The following PPM1G variants were observed in gnomAD, a reference collection of about 807,000 sequenced individuals.
PPM1G encodes the protein protein phosphatase 1G.
PPM1G carries 12 observed loss-of-function variants against 59.4 expected under a neutral mutation model. The observed-to-expected ratio is 0.20, with a 90% CI of 0.13 to 0.33. The LOEUF (loss-of-function observed/expected upper bound fraction) is 0.33. Among genes scored for constraint, PPM1G ranks in the 10% least tolerant of loss-of-function variants. The pLI, the probability that PPM1G is intolerant of heterozygous loss-of-function variation, is 1.00. For missense variants in PPM1G, 392 were observed against 681.3 expected (o/e 0.58, Z 4.73); for synonymous variants, 245 against 251.9 (o/e 0.97, Z 0.26).
chr2:27,381,882 G>C, intron 9 of PPM1G, 77 bp from the exon 10 acceptor site: 1 of 1,462,368 alleles, frequency 6.8e-7, no homozygotes. Context: ...CAAGAGGGCT[G>C]GCTTGCTGAG....
chr2:27,392,286 GTTTTTTTTTTT>G (rs70953857), intron 1 of PPM1G, among the ~76,000 whole-genome samples: 4 of 70,450 alleles, frequency 5.7e-5, no homozygotes, highest in African/African-American at 1.8e-4. Context: ...GGTTTGTTTT[GTTTTTTTTTTT>G]TTTTTTTTTT....
chr2:27,391,444 G>A (rs1312928375), intron 1 of PPM1G, among the ~76,000 whole-genome samples: 3 of 152,118 alleles, frequency 2.0e-5, no homozygotes, highest in East Asian at 1.9e-4. Flanking sequence ...AGAAATGGGC[G>A]TTTTTTCATG....
chr2:27,383,817 C>T lies in PPM1G; in HGVS notation c.966+135G>A. 3.6e-6 allele frequency: 5 copies of T among 1,373,288 alleles called. No homozygotes were observed. Among genetic ancestry groups the T allele is most frequent in the Non-Finnish European group, 3.9e-6 (4 of 1,015,952 alleles). 85.1% of individuals were successfully genotyped at this position (1,373,288 alleles called of 1,614,324 possible). On this transcript the variant is annotated intron_variant, in intron 6 of 9. Transcript: ENST00000344034. This position sits in a 1 kb window ranked among gnomAD's most constrained non-coding sequence, Gnocchi z 5.0. Reference sequence around the variant, plus strand: ...CCCAAAGGCTTACCATCTCATTCCCCTTGCAGAATAAATCCCCATGACTAT... The same window carrying T: ...CCCAAAGGCTTACCATCTCATTCCCTTTGCAGAATAAATCCCCATGACTAT...
chr2:27,386,305 C>T (rs1218072723), intron 2 of PPM1G, 26 bp from the exon 3 acceptor site: 3 of 1,491,124 alleles, frequency 2.0e-6, no homozygotes, highest in Non-Finnish European at 2.8e-6. Flanking sequence ...GGAAGGTCAC[C>T]TGGAGCACTG....
At chr2:27,396,471 TG>T (rs2148424544) in intron 1 of PPM1G, among the ~76,000 whole-genome samples, 1 of 152,098 alleles carries the variant, frequency 6.6e-6, no homozygotes, top group South Asian at 2.1e-4. Flanking sequence ...TTCTGGAAAC[TG>T]GGTACACAAC....
chr2:27,382,006 G>C lies in PPM1G; in HGVS notation c.1434+120C>G. 5 of 1,111,186 alleles carry C rather than the reference G, an allele frequency of 4.5e-6. No homozygotes were observed. The highest frequency in any genetic ancestry group is 6.7e-6 in the Non-Finnish European group (5 of 751,290). The allele number at this position is 1,111,186 out of a possible 1,614,324, so 68.8% of individuals were successfully genotyped here. A position where few individuals can be genotyped will look rare whatever the true frequency, so the allele number is the denominator to read the frequency against. ...ACAGAAGGTGGAACTTTGGAGTCGG[G>C]GTTTAGCGTCTGTCAGCAATTACTG... On this transcript the variant is annotated intron_variant, in intron 9 of 9. Coordinates refer to ENST00000344034, the MANE Select transcript of PPM1G (RefSeq NM_177983.3). This position sits in a 1 kb window ranked among gnomAD's most constrained non-coding sequence, Gnocchi z 4.2.
chr2:27,406,303 A>C (rs1392173037), intron 1 of PPM1G, among the ~76,000 whole-genome samples: 1 of 152,220 alleles, frequency 6.6e-6, no homozygotes, highest in African/African-American at 2.4e-5. Context: ...TGGAAAGATA[A>C]GATTCAGGGA....
chr2:27,391,986 C>A (rs1271833479), intron 1 of PPM1G, among the ~76,000 whole-genome samples: 1 of 151,836 alleles, frequency 6.6e-6, no homozygotes, highest in Non-Finnish European at 1.5e-5. Flanking sequence ...CCACCTTGGC[C>A]TCCCAAAGTG....
rs1683654870 is a variant in PPM1G at position 27,382,369 on chromosome 2, C to A, written c.1331+107G>T. On this transcript the variant is annotated intron_variant, in intron 8 of 9. Coordinates refer to ENST00000344034, the MANE Select transcript of PPM1G (RefSeq NM_177983.3). The surrounding 1 kb of genome is among the most constrained non-coding windows in gnomAD (Gnocchi z 4.2). ...CCTTAGTCTGGGTGCTCTTCACCCA[C>A]CAAGAGGCCTAGGTCTGCCTAGGCT... 1.9e-6 allele frequency: 3 copies of A among 1,568,272 alleles called. No individual in the cohort carries two copies. The highest frequency in any genetic ancestry group is 1.4e-5 in the African/African-American group (1 of 73,544).
chr2:27,384,827 G>A lies in PPM1G; in HGVS notation c.671C>T (p.Ala224Val). ...AATGCCAGGCTCACCAACTTGGCCT[G>A]CCTCAGTCCCACGTTCCGAGTTGGA... is the stretch of plus-strand genomic sequence containing the variant. Reference protein sequence around the residue: ...FSSNSERGTEAGQVGEPGIPT... With the variant: ...FSSNSERGTEVGQVGEPGIPT... The change falls in exon 5 of 10, where the codon GCA becomes GTA. Residue 224 changes from alanine (A) to valine (V), a missense_variant. By Grantham distance (64) the Ala-to-Val change is moderately conservative (BLOSUM62 0). This residue lies in a region of PPM1G where 188 missense variants were observed against 248.8 expected (regional missense o/e 0.76). Transcript: ENST00000344034. The surrounding 1 kb of genome is among the most constrained non-coding windows in gnomAD (Gnocchi z 4.8). The A allele has an allele frequency of 6.2e-7, 1 of 1,614,246 alleles. No individual in the cohort carries two copies. The highest frequency in any genetic ancestry group is 8.5e-7 in the Non-Finnish European group (1 of 1,180,042).
At chr2:27,386,825 C>T (rs535623509) in intron 2 of PPM1G, 19 of 278,950 alleles carry the variant, frequency 6.8e-5, no homozygotes, top group East Asian at 2.2e-4. Flanking sequence ...TGTGACCTAC[C>T]GCGTGCCCAG....
chr2:27,403,021 C>T (rs1002411477), intron 1 of PPM1G, among the ~76,000 whole-genome samples: 3 of 151,556 alleles, frequency 2.0e-5, no homozygotes, highest in African/African-American at 7.3e-5. Context: ...GAACTATGAT[C>T]GAGCCACTGT....
At chr2:27,403,294 A>G (rs1684227786) in intron 1 of PPM1G, among the ~76,000 whole-genome samples, 1 of 151,778 alleles carries the variant, frequency 6.6e-6, no homozygotes, top group Admixed American at 6.6e-5. Flanking sequence ...AAATACAAAA[A>G]AGTTAGCTGG....
In PPM1G at chr2:27,381,371, C is replaced by A. The variant is rs1343369944; in HGVS notation, c.*228G>T. On this transcript the variant is annotated 3_prime_UTR_variant, in exon 10 of 10. Coordinates refer to ENST00000344034, the MANE Select transcript of PPM1G (RefSeq NM_177983.3). Reference sequence around the variant, plus strand: ...TCCCTCCAACACAACAGAGCACAGGCACAGAACCGGTGATGAGCCCGAGGA... The same window carrying A: ...TCCCTCCAACACAACAGAGCACAGGAACAGAACCGGTGATGAGCCCGAGGA... The A allele has an allele frequency of 3.4e-6, 2 of 581,718 alleles. No homozygotes were observed. Among genetic ancestry groups the A allele is most frequent in the South Asian group, 2.0e-5 (1 of 49,676 alleles). The allele number at this position is 581,718 out of a possible 1,614,324, so 36.0% of individuals were successfully genotyped here.
intron 1 of PPM1G, among the ~76,000 whole-genome samples, chr2:27,394,032 G>A (rs1457201411): frequency 6.6e-6 from 1 of 152,122 alleles, no homozygotes; most frequent in Non-Finnish European, 1.5e-5. Context: ...AAAGTGCTGG[G>A]ATTACAGGCA....
At position 27,383,452 on chromosome 2, in the gene PPM1G, A is replaced by G. The variant is rs1683689530; in HGVS notation, c.1115T>C (p.Val372Ala). ...MSYDHKPEDEVELARIKNAGG... is the reference protein window; with the variant it reads ...MSYDHKPEDEAELARIKNAGG... Reference sequence around the variant, plus strand: ...AGCATTCTTGATGCGTGCTAGTTCTACTTCATCCTCTGGTTTGTGATCATA... The same window carrying G: ...AGCATTCTTGATGCGTGCTAGTTCTGCTTCATCCTCTGGTTTGTGATCATA... The change falls in exon 7 of 10, where the codon GTA becomes GCA. Residue 372 changes from valine (V) to alanine (A), a missense_variant. Val to Ala is a moderately conservative substitution (Grantham distance 64). Transcript: ENST00000344034. This position sits in a 1 kb window ranked among gnomAD's most constrained non-coding sequence, Gnocchi z 5.0. 6.2e-7 allele frequency: 1 copy of G among 1,614,092 alleles called. No homozygotes were observed. The highest frequency in any genetic ancestry group is 2.2e-5 in the East Asian group (1 of 44,868).
In PPM1G at chr2:27,395,510, T is replaced by C. The variant is rs186929419; in HGVS notation, c.121-8352A>G. Among the ~76,000 whole-genome samples the C allele has an allele frequency of 2.8e-4, 42 of 150,158 alleles. 1 individual carries two copies. Among genetic ancestry groups the C allele is most frequent in the Non-Finnish European group, 4.0e-4 (27 of 67,430 alleles). ...TGCCGCTGCACTCCAGCCTGGGCAA[T>C]AGAGTGAGACTCTGTCTCAAAAACA... On this transcript the variant is annotated intron_variant, in intron 1 of 9. Coordinates refer to ENST00000344034, the MANE Select transcript of PPM1G (RefSeq NM_177983.3).
In PPM1G at chr2:27,409,542, C is replaced by A. The variant is rs1298147574; in HGVS notation, c.-120G>T. 2 of 1,259,468 alleles carry A rather than the reference C, an allele frequency of 1.6e-6. No individual in the cohort carries two copies. Among genetic ancestry groups the A allele is most frequent in the Admixed American group, 4.3e-5 (1 of 23,460 alleles). The allele number at this position is 1,259,468 out of a possible 1,614,324, so 78.0% of individuals were successfully genotyped here. A position where few individuals can be genotyped will look rare whatever the true frequency, so the allele number is the denominator to read the frequency against. ...CCGCGGCGCGACCGACGCAAGGTGC[C>A]GGTGAAAGGCGCGAGGCCGGCCAGG... On this transcript the variant is annotated 5_prime_UTR_variant, in exon 1 of 10. Coordinates refer to ENST00000344034, the MANE Select transcript of PPM1G (RefSeq NM_177983.3).
At position 27,382,319 on chromosome 2, in the gene PPM1G, A is replaced by G. The variant is rs980859523; in HGVS notation, c.1332-91T>C. The G allele has an allele frequency of 2.1e-5, 33 of 1,556,110 alleles. No homozygotes were observed. The highest frequency in any genetic ancestry group is 8.5e-5 in the Admixed American group (5 of 58,760). On this transcript the variant is annotated intron_variant, in intron 8 of 9. Coordinates refer to ENST00000344034, the MANE Select transcript of PPM1G (RefSeq NM_177983.3). This position sits in a 1 kb window ranked among gnomAD's most constrained non-coding sequence, Gnocchi z 4.2. The stretch of plus-strand genomic sequence containing the variant: ...GAGGTGGTGGCCCAGGCCAGTGTAA[A>G]TAACTACAGAAATTCTCAGCTCTGC...
Sources: allele counts gnomAD v4.1 joint callset (sites outside exome capture counted in the v4.1 genomes callset), GRCh38; gene constraint gnomAD v4.1.1; regional missense constraint gnomAD v4.1.1; non-coding constraint Gnocchi (gnomAD v3.1); transcripts MANE v1.5; gene names NCBI Gene and HGNC (gene_info 2026-07-23, HGNC 2026-07-21).